The following UNC5CL variants were observed in gnomAD, a reference collection of about 807,000 sequenced individuals.
UNC5CL encodes unc-5 family C-terminal like, also known as UNC5C-like protein.
Under a neutral mutation model 54.1 loss-of-function variants are expected in UNC5CL, and 42 were observed. That is an observed-to-expected ratio of 0.78 (90% CI 0.61 to 1.00). The LOEUF is 1.00. Among genes scored for constraint, UNC5CL ranks in the 50% least tolerant of loss-of-function variants. The pLI is 0.00. For synonymous variants in UNC5CL, 285 were observed against 285.1 expected (o/e 1.00, Z 0.00); for missense variants, 619 against 675.6 (o/e 0.92, Z 0.93).
Position 41,027,062 on chromosome 6 carries a change from A to T in UNC5CL, c.*1311T>A, listed in dbSNP as rs1762396156. ...TCAAACCCTTTATTCTCTGTTCAGG[A>T]CCCAGCCCATTCATGTCTTTTGTAT... On this transcript the variant is annotated 3_prime_UTR_variant, in exon 9 of 9. Coordinates refer to ENST00000244565, the MANE Select transcript of UNC5CL (RefSeq NM_173561.3). 1 of 152,210 alleles carries T rather than the reference A, an allele frequency of 6.6e-6. No homozygotes were observed. The highest frequency in any genetic ancestry group is 1.9e-4 in the East Asian group (1 of 5,200). 9.4% of individuals were successfully genotyped at this position (152,210 alleles called of 1,614,324 possible). A position where few individuals can be genotyped will look rare whatever the true frequency, so the allele number is the denominator to read the frequency against.
intron 6 of UNC5CL, 45 bp from the exon 7 acceptor site, chr6:41,030,800 A>T: frequency 1.9e-6 from 3 of 1,575,718 alleles, no homozygotes; most frequent in Non-Finnish European, 8.7e-7. Context: ...GTCACAAGCC[A>T]TCCCCCTGAG....
chr6:41,031,582 T>G, intron 6 of UNC5CL, 99 bp downstream of exon 6: 1 of 1,190,266 alleles, frequency 8.4e-7, no homozygotes, highest in Non-Finnish European at 1.3e-6. Flanking sequence ...TTTACCTATG[T>G]GATTAAGACC....
chr6:41,030,002 G>C (rs956315293), intron 8 of UNC5CL, among the ~76,000 whole-genome samples: 18 of 152,190 alleles, frequency 1.2e-4, no homozygotes, highest in Non-Finnish European at 2.2e-4. Context: ...GATCATGACT[G>C]CACTGTCACC....
Position 41,033,057 on chromosome 6 carries a change from C to T in UNC5CL, c.776G>A (p.Gly259Glu). 6.2e-7 allele frequency: 1 copy of T among 1,612,864 alleles called. No individual in the cohort carries two copies. Among genetic ancestry groups the T allele is most frequent in the South Asian group, 1.1e-5 (1 of 90,738 alleles). Residue 259 changes from glycine (G) to glutamate (E), a missense_variant, in exon 4 of 9, where the codon GGA (glycine) becomes GAA (glutamate). Gly to Glu is a moderately conservative substitution (Grantham distance 98). Coordinates refer to ENST00000244565, the MANE Select transcript of UNC5CL (RefSeq NM_173561.3). ...GATACGCAGTTGCAGATGGGACTGT[C>T]CTGGCACCAGCGGTGAGCAGAATAC... The part of the protein sequence containing the change: ...LAVFCSPLVP[G>E]QSHLQLRIYF...
rs1321962475 is a variant in UNC5CL at position 41,030,775 on chromosome 6, G to A, written c.1120-20C>T. The stretch of plus-strand genomic sequence containing the variant: ...CAAGCCCTGAGTCAACACAGGGCAG[G>A]GAACACACTTAGGGGTCACAAGCCA... On this transcript the variant is annotated intron_variant, in intron 6 of 8. Coordinates refer to ENST00000244565, the MANE Select transcript of UNC5CL (RefSeq NM_173561.3). 6.2e-7 allele frequency: 1 copy of A among 1,611,530 alleles called. No individual in the cohort carries two copies. The highest frequency in any genetic ancestry group is 8.5e-7 in the Non-Finnish European group (1 of 1,177,890).
In UNC5CL at chr6:41,034,899, T is replaced by TG; in HGVS notation, c.175dup (p.Gln59ProfsTer5). On this transcript the variant is annotated frameshift_variant, in exon 2 of 9. Coordinates refer to ENST00000244565, the MANE Select transcript of UNC5CL (RefSeq NM_173561.3). LOFTEE classifies it high-confidence loss of function. ...CTGCCTTGAGACCTCATTTTCTAGT[T>TG]GGGGGGTAGGCTGGGACACTGGTTC... 1.2e-6 allele frequency: 2 copies of TG among 1,614,190 alleles called. No individual in the cohort carries two copies. Among genetic ancestry groups the TG allele is most frequent in the Non-Finnish European group, 1.7e-6 (2 of 1,180,038 alleles).
rs778995917 is a variant in UNC5CL at position 41,035,017 on chromosome 6, G to A, written c.58C>T (p.Pro20Ser). The change falls in exon 2 of 9, where the codon CCA becomes TCA. Residue 20 changes from proline to serine, a missense_variant. Pro to Ser is a moderately conservative substitution (Grantham distance 74). Coordinates refer to ENST00000244565, the MANE Select transcript of UNC5CL (RefSeq NM_173561.3). ...PSQFLLLVGVPVASVLLLAQC... is the reference protein window; with the variant it reads ...PSQFLLLVGVSVASVLLLAQC... ...GCCAGAAGGAGGACACTTGCCACTG[G>A]GACCCCCACCAGCAGTAGGAACTGG... is the stretch of plus-strand genomic sequence containing the variant. The A allele has an allele frequency of 6.2e-6, 10 of 1,600,856 alleles. No individual in the cohort carries two copies. The African/African-American group carries it at 1.3e-4, about 21-fold the overall frequency.
intron 6 of UNC5CL, among the ~76,000 whole-genome samples, 170 bp from the exon 7 acceptor site, chr6:41,030,925 C>T (rs1017488773): frequency 6.6e-6 from 1 of 152,152 alleles, no homozygotes. Context: ...CCCACTGTCT[C>T]CCTGTGACTT....
In UNC5CL at chr6:41,031,746, C is replaced by T. The variant is rs780228471; in HGVS notation, c.1054G>A (p.Asp352Asn). 6.2e-6 allele frequency: 10 copies of T among 1,613,976 alleles called. No homozygotes were observed. Among genetic ancestry groups the T allele is most frequent in the Admixed American group, 1.7e-5 (1 of 60,000 alleles). The change falls in exon 6 of 9, where the codon GAT becomes AAT. Residue 352 changes from aspartate to asparagine, a missense_variant and splice_region_variant. Transcript: ENST00000244565. ...AGTGCTGAACAGTCCTCATTCTCAT[C>T]GGCTATAAAGAGAAGGTGACAGCGT... ...RSFCFRRKAADENEDCSALTN... is the reference protein window; with the variant it reads ...RSFCFRRKAANENEDCSALTN...
rs115847054 is a variant in UNC5CL at position 41,027,889 on chromosome 6, G to A, written c.*484C>T. On this transcript the variant is annotated 3_prime_UTR_variant, in exon 9 of 9. Transcript: ENST00000244565. ...GCCACACCCACCTCCCCTAACCACAGGGCAGGGCTGTTTTCGAGTTTGCCC... is the reference window on the plus strand; with the variant it reads ...GCCACACCCACCTCCCCTAACCACAAGGCAGGGCTGTTTTCGAGTTTGCCC... 0.02 allele frequency: 3,154 copies of A among 154,958 alleles called. 93 individuals carry two copies. Among genetic ancestry groups the A allele is most frequent in the African/African-American group, 0.069 (2,868 of 41,620 alleles). 9.6% of individuals were successfully genotyped at this position (154,958 alleles called of 1,614,324 possible). A position where few individuals can be genotyped will look rare whatever the true frequency, so the allele number is the denominator to read the frequency against.
At chr6:41,037,430 A>G (rs997487667) in intron 1 of UNC5CL, among the ~76,000 whole-genome samples, 1 of 152,158 alleles carries the variant, frequency 6.6e-6, no homozygotes, top group African/African-American at 2.4e-5. Context: ...GCACTGGAAG[A>G]GCTTCCAGTA....
In UNC5CL at chr6:41,030,646, CCGT is replaced by C. The variant is rs1762443816; in HGVS notation, c.1220+6_1220+8del. ...CCCCAGGCAGCAGCCCAAGCAACCC[CCGT>C]CTCACCTATTGCATGGGGGCGGCTG... is the stretch of plus-strand genomic sequence containing the variant. On this transcript the variant is annotated splice_donor_region_variant and intron_variant, in intron 7 of 8. Transcript: ENST00000244565. 1 of 1,613,928 alleles carries C rather than the reference CCGT, an allele frequency of 6.2e-7. No homozygotes were observed. The highest frequency in any genetic ancestry group is 8.5e-7 in the Non-Finnish European group (1 of 1,179,982).
In UNC5CL at chr6:41,028,582, G is replaced by T; in HGVS notation, c.1348C>A (p.Gln450Lys). The stretch of plus-strand genomic sequence containing the variant: ...AGGATGGCCGCTGCGGGGCTGCGCT[G>T]GCAGGACAGGAACCTGGCCCGAGGT... The part of the protein sequence containing the change: ...CGMKIRFLSC[Q>K]RSPAAAILEL... Residue 450 changes from glutamine to lysine, a missense_variant, in exon 9 of 9, where the codon CAG becomes AAG. Physicochemically the swap from Gln to Lys is moderately conservative, Grantham distance 53. Transcript: ENST00000244565. The surrounding 1 kb of genome is among the most constrained non-coding windows in gnomAD (Gnocchi z 4.3). The T allele has an allele frequency of 1.9e-6, 3 of 1,613,274 alleles. No homozygotes were observed. The highest frequency in any genetic ancestry group is 2.5e-6 in the Non-Finnish European group (3 of 1,179,928).
At position 41,028,642 on chromosome 6, in the gene UNC5CL, G is replaced by T; in HGVS notation, c.1335-47C>A. 6.4e-7 allele frequency: 1 copy of T among 1,566,428 alleles called. No individual in the cohort carries two copies. Among genetic ancestry groups the T allele is most frequent in the South Asian group, 1.1e-5 (1 of 88,912 alleles). The stretch of plus-strand genomic sequence containing the variant: ...AGAGAAGGGTGTAGGAGCAGGGAGG[G>T]GCTCCCCCCCTGCTGCAGGCTCCCT... On this transcript the variant is annotated intron_variant, in intron 8 of 8. Transcript: ENST00000244565. The surrounding 1 kb of genome is among the most constrained non-coding windows in gnomAD (Gnocchi z 4.3).
chr6:41,034,826 T>C lies in UNC5CL; in HGVS notation c.249A>G (p.Leu83=). ...TGGTCTGGCCTTGAGTGGGTGTGTG[T>C]AGCTCCTGGTAGAAGGCAACCATCT... ...LPEMVAFYQE[L]HTPTQGQTMV... Residue 83 remains leucine, a synonymous_variant, in exon 2 of 9, where the codon CTA becomes CTG. Transcript: ENST00000244565. 1 of 1,614,230 alleles carries C rather than the reference T, an allele frequency of 6.2e-7. No homozygotes were observed. The highest frequency in any genetic ancestry group is 8.5e-7 in the Non-Finnish European group (1 of 1,180,036).
In UNC5CL at chr6:41,028,444, C is replaced by G. The variant is rs777086010; in HGVS notation, c.1486G>C (p.Gly496Arg). The G allele has an allele frequency of 6.2e-7, 1 of 1,613,476 alleles. No individual in the cohort carries two copies. The highest frequency in any genetic ancestry group is 8.5e-7 in the Non-Finnish European group (1 of 1,179,894). The change falls in exon 9 of 9, where the codon GGC becomes CGC. Residue 496 changes from glycine (G) to arginine (R), a missense_variant. Transcript: ENST00000244565. The surrounding 1 kb of genome is among the most constrained non-coding windows in gnomAD (Gnocchi z 4.3). ...AIQNYLSGTH[G>R]GSPGPERGGA... ...CCGCGCTCGGGGCCTGGGCTGCCGC[C>G]GTGTGTCCCACTCAGGTAGTTCTGG... is the stretch of plus-strand genomic sequence containing the variant.
chr6:41,028,667 T>C lies in UNC5CL; in HGVS notation c.1335-72A>G, dbSNP rs1581974337. 1 of 1,456,756 alleles carries C rather than the reference T, an allele frequency of 6.9e-7. No homozygotes were observed. Among genetic ancestry groups the C allele is most frequent in the East Asian group, 2.3e-5 (1 of 43,784 alleles). 90.2% of individuals were successfully genotyped at this position (1,456,756 alleles called of 1,614,324 possible). ...GGCTCCCCCCCTGCTGCAGGCTCCCTGGGCTGCGCAGCGCAAGGTCCGTCC... is the reference window on the plus strand; with the variant it reads ...GGCTCCCCCCCTGCTGCAGGCTCCCCGGGCTGCGCAGCGCAAGGTCCGTCC... On this transcript the variant is annotated intron_variant, in intron 8 of 8. Coordinates refer to ENST00000244565, the MANE Select transcript of UNC5CL (RefSeq NM_173561.3). The surrounding 1 kb of genome is among the most constrained non-coding windows in gnomAD (Gnocchi z 4.3).
rs778107118 is a variant in UNC5CL, at chr6:41,030,690, C to G, written c.1185G>C (p.Ala395=). The change falls in exon 7 of 9, where the codon GCG becomes GCC. Residue 395 remains alanine, a synonymous_variant. Coordinates refer to ENST00000244565, the MANE Select transcript of UNC5CL (RefSeq NM_173561.3). ...GGGGCGGCTGGGAAACAGGTGGTGG[C>G]GCTGCCCAGGATTCCTCCTCTGATG... ...FQASEEESWA[A]PPPVSQPPPC... is the part of the protein sequence containing the mutation. The G allele has an allele frequency of 2.5e-6, 4 of 1,614,054 alleles. No homozygotes were observed. In the East Asian group the frequency reaches 8.9e-5, roughly 36 times the overall value.
chr6:41,036,587 T>G (rs1392894350), intron 1 of UNC5CL, among the ~76,000 whole-genome samples: 2 of 152,212 alleles, frequency 1.3e-5, no homozygotes, highest in African/African-American at 4.8e-5. Context: ...CTTTGTGTAA[T>G]GGTGAGGATG....
Sources: gnomAD v4.1 joint callset for allele counts (sites outside exome capture counted in the v4.1 genomes callset) on GRCh38, gnomAD v4.1.1 for gene constraint, Gnocchi (gnomAD v3.1) non-coding constraint, MANE v1.5 for transcripts, NCBI Gene and HGNC (gene_info 2026-07-23, HGNC 2026-07-21) for gene names.